The following SH3PXD2A variants were observed in gnomAD, a reference collection of about 807,000 sequenced individuals.
SH3PXD2A encodes the protein SH3 and PX domains 2A.
In SH3PXD2A, 32 loss-of-function variants were observed where a neutral mutation model predicts 115.2. That is an observed-to-expected ratio of 0.28 (90% CI 0.21 to 0.37). The LOEUF (loss-of-function observed/expected upper bound fraction) is 0.37, where lower values mean the gene tolerates loss of function less well. SH3PXD2A is among the 10% of genes least tolerant of loss of function. SH3PXD2A has a pLI of 1.00. For synonymous variants in SH3PXD2A, 610 were observed against 629.1 expected (o/e 0.97, Z 0.45); for missense variants, 1,328 against 1,498.7 (o/e 0.89, Z 1.88).
intron 1 of SH3PXD2A, among the ~76,000 whole-genome samples, chr10:103,802,269 G>A (rs554442290): frequency 7.2e-5 from 11 of 152,296 alleles, no homozygotes; most frequent in African/African-American, 2.6e-4. Flanking sequence ...CTCAGTGCCT[G>A]GCACAGAGCA....
chr10:103,594,803 A>T lies in SH3PXD2A; in HGVS notation c.*7013T>A, dbSNP rs1403086075. 6.6e-6 allele frequency: 1 copy of T among 152,210 alleles called. No individual in the cohort carries two copies. Among genetic ancestry groups the T allele is most frequent in the African/African-American group, 2.4e-5 (1 of 41,442 alleles). The allele number at this position is 152,210 out of a possible 1,614,324, so 9.4% of individuals were successfully genotyped here. On this transcript the variant is annotated 3_prime_UTR_variant, in exon 15 of 15. Coordinates refer to ENST00000369774, the MANE Select transcript of SH3PXD2A (RefSeq NM_001394015.1). ...GATGAATGTTCATCACACCCAGTCTAATTCATACCAGGTGGCAGGCTCAGC... is the reference window on the plus strand; with the variant it reads ...GATGAATGTTCATCACACCCAGTCTTATTCATACCAGGTGGCAGGCTCAGC...
At chr10:103,804,652 G>A (rs1253818453) in intron 1 of SH3PXD2A, among the ~76,000 whole-genome samples, 1 of 152,012 alleles carries the variant, frequency 6.6e-6, no homozygotes, top group African/African-American at 2.4e-5. Flanking sequence ...ATAAAGGTGT[G>A]GGTGGTCTGA....
At chr10:103,740,445 C>T (rs1234751982) in intron 3 of SH3PXD2A, among the ~76,000 whole-genome samples, 1 of 152,182 alleles carries the variant, frequency 6.6e-6, no homozygotes, top group Non-Finnish European at 1.5e-5. Flanking sequence ...CTCCAGGGCT[C>T]TTCTTGGGAA....
At chr10:103,701,612 C>T (rs1564868032) in intron 5 of SH3PXD2A, among the ~76,000 whole-genome samples, 1 of 150,828 alleles carries the variant, frequency 6.6e-6, no homozygotes, top group South Asian at 2.1e-4. Context: ...CATCATCCAT[C>T]CATCATCCAT....
chr10:103,665,255 A>T lies in SH3PXD2A; in HGVS notation c.472+3353T>A, dbSNP rs1229170832. ...AGCTTTGTGGCCAGAAGATGCCTGG[A>T]GGACGAGCAGGAGGTGCTGGGGAGT... is the stretch of plus-strand genomic sequence containing the variant. On this transcript the variant is annotated intron_variant, in intron 7 of 14. Coordinates refer to ENST00000369774, the MANE Select transcript of SH3PXD2A (RefSeq NM_001394015.1). This position sits in a 1 kb window ranked among gnomAD's most constrained non-coding sequence, Gnocchi z 4.0. 6.6e-6 allele frequency among the ~76,000 whole-genome samples: 1 copy of T among 152,206 alleles called. No homozygotes were observed. Among genetic ancestry groups the T allele is most frequent in the Non-Finnish European group, 1.5e-5 (1 of 68,036 alleles).
intron 10 of SH3PXD2A, 120 bp from the exon 11 acceptor site, chr10:103,617,434 G>A (rs1651113827): frequency 1.4e-6 from 1 of 710,194 alleles, no homozygotes; most frequent in African/African-American, 1.7e-5. Context: ...GGTCCACTGG[G>A]TTGGCTCTGG....
intron 6 of SH3PXD2A, among the ~76,000 whole-genome samples, chr10:103,679,119 T>A (rs1381702926): frequency 6.6e-6 from 1 of 152,204 alleles, no homozygotes; most frequent in Non-Finnish European, 1.5e-5. Context: ...TCAGCAGCCA[T>A]GCAGGTCTGT....
chr10:103,721,324 T>G (rs900237612), intron 5 of SH3PXD2A, among the ~76,000 whole-genome samples: 6 of 152,176 alleles, frequency 3.9e-5, no homozygotes, highest in Non-Finnish European at 7.3e-5. Flanking sequence ...CAAAGATCAC[T>G]GAGCCTTAAG....
At chr10:103,786,131 G>T (rs892057466) in intron 2 of SH3PXD2A, among the ~76,000 whole-genome samples, 1 of 152,264 alleles carries the variant, frequency 6.6e-6, no homozygotes, top group African/African-American at 2.4e-5. Context: ...GCCCCCACCT[G>T]CCCCTTCTGC....
intron 1 of SH3PXD2A, among the ~76,000 whole-genome samples, chr10:103,836,113 G>T (rs1367901812): frequency 1.3e-5 from 2 of 152,108 alleles, no homozygotes; most frequent in Non-Finnish European, 2.9e-5. Flanking sequence ...CATGAAATGA[G>T]GTCTATGGGC....
chr10:103,702,796 A>G (rs2037935477), intron 5 of SH3PXD2A, among the ~76,000 whole-genome samples: 1 of 152,146 alleles, frequency 6.6e-6, no homozygotes, highest in Non-Finnish European at 1.5e-5. Flanking sequence ...TCTGTGCCTG[A>G]GGATCACATT....
At chr10:103,786,326 C>A (rs1288471022) in intron 2 of SH3PXD2A, among the ~76,000 whole-genome samples, 2 of 152,134 alleles carry the variant, frequency 1.3e-5, no homozygotes, top group South Asian at 2.1e-4. Flanking sequence ...GTGGTGAGAC[C>A]TTGACATCCT....
In SH3PXD2A at chr10:103,818,873, A is replaced by G. The variant is rs529565294; in HGVS notation, c.73-17511T>C. On this transcript the variant is annotated intron_variant, in intron 1 of 14. Coordinates refer to ENST00000369774, the MANE Select transcript of SH3PXD2A (RefSeq NM_001394015.1). ...AGTTCTCCCCTTCTCTGAAACCTTTACAAGGCACCTGCAACCATAGTGCCC... is the reference window on the plus strand; with the variant it reads ...AGTTCTCCCCTTCTCTGAAACCTTTGCAAGGCACCTGCAACCATAGTGCCC... 4.2e-4 allele frequency among the ~76,000 whole-genome samples: 64 copies of G among 152,198 alleles called. 1 individual carries two copies. In the South Asian group the frequency reaches 0.013, roughly 30 times the overall value.
chr10:103,614,711 TG>T (rs2036481957), intron 11 of SH3PXD2A, among the ~76,000 whole-genome samples: 1 of 152,130 alleles, frequency 6.6e-6, no homozygotes. Flanking sequence ...TGGACACATC[TG>T]GCTCTTTGGA....
intron 10 of SH3PXD2A, among the ~76,000 whole-genome samples, chr10:103,621,647 G>A (rs898580109): frequency 1.3e-5 from 2 of 152,218 alleles, no homozygotes; most frequent in African/African-American, 2.4e-5. Flanking sequence ...TCCATGCGGG[G>A]CTGGCCAAGC....
At chr10:103,773,440 TTTC>T (rs201661005) in intron 2 of SH3PXD2A, among the ~76,000 whole-genome samples, 22 of 143,254 alleles carry the variant, frequency 1.5e-4, no homozygotes, top group East Asian at 2.2e-4. Context: ...CTTTTCTTTC[TTTC>T]TTTTTTTTTT....
rs1488019511 is a variant in SH3PXD2A, at chr10:103,595,828, CCCAGTCTGTAAGCA to C, written c.*5974_*5987del. The C allele has an allele frequency of 2.6e-5, 4 of 152,634 alleles. No individual in the cohort carries two copies. Among genetic ancestry groups the C allele is most frequent in the African/African-American group, 9.7e-5 (4 of 41,448 alleles). The allele number at this position is 152,634 out of a possible 1,614,324, so 9.5% of individuals were successfully genotyped here. A position where few individuals can be genotyped will look rare whatever the true frequency, so the allele number is the denominator to read the frequency against. On this transcript the variant is annotated 3_prime_UTR_variant, in exon 15 of 15. Coordinates refer to ENST00000369774, the MANE Select transcript of SH3PXD2A (RefSeq NM_001394015.1). ...AGACCTTGGAAGGTAGGGCTCTCCA[CCCAGTCTGTAAGCA>C]CCAGTGTGCCCACCTTATGGCCTGG...
intron 5 of SH3PXD2A, among the ~76,000 whole-genome samples, chr10:103,710,272 G>A (rs1217481301): frequency 6.6e-6 from 1 of 152,138 alleles, no homozygotes; most frequent in East Asian, 1.9e-4. Flanking sequence ...GTAGTTGGGA[G>A]GCTGAGGCAG....
intron 1 of SH3PXD2A, among the ~76,000 whole-genome samples, chr10:103,843,097 A>T (rs1235742003): frequency 1.3e-5 from 2 of 152,250 alleles, no homozygotes; most frequent in East Asian, 3.8e-4. Flanking sequence ...AACAGTTATC[A>T]TATGAGTAAC....
Sources: gnomAD v4.1 joint callset for allele counts (sites outside exome capture counted in the v4.1 genomes callset) on GRCh38, gnomAD v4.1.1 for gene constraint, Gnocchi (gnomAD v3.1) non-coding constraint, MANE v1.5 for transcripts, NCBI Gene and HGNC (gene_info 2026-07-23, HGNC 2026-07-21) for gene names.